Variants in CEP83 observed in about 807,000 individuals in gnomAD.
The protein encoded by CEP83 is centrosomal protein of 83 kDa.
A neutral mutation model predicts 101.9 loss-of-function variants in CEP83; 70 were observed. That is an observed-to-expected ratio of 0.69 (90% confidence interval 0.57 to 0.84). CEP83 has a LOEUF of 0.84. Among genes scored for constraint, CEP83 ranks in the 40% least tolerant of loss-of-function variants. The pLI is 0.00. For missense variants in CEP83, 715 were observed against 787.2 expected, an observed-to-expected ratio of 0.91 and a Z score of 1.10; for synonymous variants, 264 against 267.9, an observed-to-expected ratio of 0.99 and a Z score of 0.14.
intron 2 of CEP83, chr12:94,424,202 G>C: frequency 6.2e-7 from 1 of 1,609,174 alleles, no homozygotes; most frequent in South Asian, 1.1e-5. Context: ...ATTCTGAAGA[G>C]CTGTGGTGGG....
chr12:94,371,683 T>A (rs139474204), intron 8 of CEP83, among the ~76,000 whole-genome samples: 13 of 151,918 alleles, frequency 8.6e-5, no homozygotes, highest in Admixed American at 8.5e-4. Flanking sequence ...TAAAACCCCA[T>A]AAATACTGGA....
At position 94,443,428 on chromosome 12, in the gene CEP83, G is replaced by A. The variant is rs532641936; in HGVS notation, c.-154-8101C>T. Among the ~76,000 whole-genome samples the A allele has an allele frequency of 1.6e-3, 236 of 152,066 alleles. 1 individual carries two copies. The highest frequency in any genetic ancestry group is 5.3e-3 in the African/African-American group (220 of 41,400). ...GCTCTAAAAGTGAACAGAAAGAGTA[G>A]CTTTTGTCCATGTGCTTTATAGGTT... On this transcript the variant is annotated intron_variant, in intron 1 of 16. Coordinates refer to ENST00000397809, the MANE Select transcript of CEP83 (RefSeq NM_016122.3).
downstream of CEP83, among the ~76,000 whole-genome samples, chr12:94,303,002 G>C (rs1354237396): frequency 6.6e-6 from 1 of 152,206 alleles, no homozygotes; most frequent in Non-Finnish European, 1.5e-5. Context: ...TCAAGCCATT[G>C]ATTCAGCCTC....
intron 4 of CEP83, among the ~76,000 whole-genome samples, chr12:94,410,409 TATC>T (rs1328983019): frequency 6.6e-6 from 1 of 152,212 alleles, no homozygotes; most frequent in African/African-American, 2.4e-5. Context: ...TTGTTGAAGT[TATC>T]ATCTTCTGGA....
At chr12:94,439,673 C>A (rs1467483896) in intron 1 of CEP83, among the ~76,000 whole-genome samples, 1 of 151,952 alleles carries the variant, frequency 6.6e-6, no homozygotes, top group African/African-American at 2.4e-5. Context: ...AAGAGGGAAT[C>A]CTCCCTAAAT....
intron 6 of CEP83, among the ~76,000 whole-genome samples, chr12:94,392,667 C>T (rs1181710411): frequency 1.3e-5 from 2 of 152,066 alleles, no homozygotes; most frequent in Non-Finnish European, 2.9e-5. Context: ...GATAGAGACA[C>T]AAAGAACCCT....
At chr12:94,412,271 A>G in intron 3 of CEP83, 47 bp downstream of exon 3, 7 of 1,469,306 alleles carry the variant, frequency 4.8e-6, no homozygotes, top group Non-Finnish European at 5.5e-6. Flanking sequence ...AGATAATGCC[A>G]ATAACTTTTT....
intron 4 of CEP83, among the ~76,000 whole-genome samples, chr12:94,407,174 T>C (rs1435476856): frequency 6.6e-6 from 1 of 152,056 alleles, no homozygotes; most frequent in East Asian, 1.9e-4. Context: ...AGAATGTAAT[T>C]AAGAGTCTCC....
chr12:94,273,724 A>G, the CEP83 span, among the ~76,000 whole-genome samples: 2 of 152,206 alleles, frequency 1.3e-5, no homozygotes, highest in Admixed American at 6.5e-5. Context: ...TGCCCTGCAC[A>G]CAATAGGTGC....
chr12:94,458,652 C>T (rs949725309), intron 1 of CEP83, among the ~76,000 whole-genome samples: 4 of 152,098 alleles, frequency 2.6e-5, no homozygotes, highest in African/African-American at 9.7e-5. Flanking sequence ...GCAGGAGAAT[C>T]GCTTGAACCC....
chr12:94,412,600 A>G lies in CEP83; in HGVS notation c.-101-9T>C. The G allele has an allele frequency of 1.3e-6, 1 of 764,984 alleles. No homozygotes were observed. The highest frequency in any genetic ancestry group is 2.1e-6 in the Non-Finnish European group (1 of 469,104). The allele number at this position is 764,984 out of a possible 1,614,324, so 47.4% of individuals were successfully genotyped here. On this transcript the variant is annotated splice_polypyrimidine_tract_variant and intron_variant, in intron 2 of 16. Transcript: ENST00000397809. The stretch of plus-strand genomic sequence containing the variant: ...AGGAAGCCAAATTATACCTGCACAG[A>G]GAAATAAACATAATTACATAATTTG...
intron 8 of CEP83, among the ~76,000 whole-genome samples, chr12:94,372,396 AC>A (rs1318599092): frequency 6.6e-6 from 1 of 152,254 alleles, no homozygotes; most frequent in Non-Finnish European, 1.5e-5. Context: ...GGATTTTACT[AC>A]ATTATAATTT....
At chr12:94,398,920 CT>C (rs1284200278) in intron 6 of CEP83, among the ~76,000 whole-genome samples, 55 of 152,114 alleles carry the variant, frequency 3.6e-4, no homozygotes, top group Non-Finnish European at 7.4e-5. Context: ...TACCCTCAGG[CT>C]TATTAAGATT....
intron 11 of CEP83, among the ~76,000 whole-genome samples, chr12:94,349,242 G>A (rs566624532): frequency 4.1e-5 from 6 of 145,022 alleles, no homozygotes; most frequent in East Asian, 2.0e-4. Flanking sequence ...CCAAGATTGC[G>A]CCACTGCACT....
intron 11 of CEP83, among the ~76,000 whole-genome samples, chr12:94,345,611 C>T (rs990301520): frequency 5.9e-5 from 9 of 152,164 alleles, no homozygotes; most frequent in African/African-American, 2.2e-4. Flanking sequence ...CTTCCCCCAT[C>T]TTTCTGTCTT....
chr12:94,314,450 T>G (rs115292376), intron 14 of CEP83, among the ~76,000 whole-genome samples: 1,845 of 152,338 alleles, frequency 0.012, 52 homozygotes, highest in African/African-American at 0.042. Context: ...TTTTTGAACC[T>G]CATATACATA....
At chr12:94,338,973 C>A (rs74501208) in intron 11 of CEP83, among the ~76,000 whole-genome samples, 2 of 133,624 alleles carry the variant, frequency 1.5e-5, no homozygotes, top group South Asian at 4.8e-4. Flanking sequence ...TTTTTTTTTT[C>A]TTTTTTTAGA....
the CEP83 span, among the ~76,000 whole-genome samples, chr12:94,271,661 G>A: frequency 1.1e-4 from 16 of 152,264 alleles, no homozygotes; most frequent in African/African-American, 3.1e-4. Context: ...ACCTGCCCTC[G>A]CATATTTGTG....
intron 1 of CEP83, among the ~76,000 whole-genome samples, chr12:94,436,293 A>C (rs1330361647): frequency 6.6e-6 from 1 of 152,078 alleles, no homozygotes; most frequent in African/African-American, 2.4e-5. Context: ...TCAAGGGGGC[A>C]CTAGAGAAAA....
Sources: allele counts gnomAD v4.1 joint callset (sites outside exome capture counted in the v4.1 genomes callset), GRCh38; gene constraint gnomAD v4.1.1; transcripts MANE v1.5; gene names NCBI Gene and HGNC (gene_info 2026-07-23, HGNC 2026-07-21).